AXIN1: variants seen among roughly 807,000 people sequenced by gnomAD.
AXIN1 encodes the protein axin 1, also known as axin-1.
Under a neutral mutation model 76.4 loss-of-function variants are expected in AXIN1, and 30 were observed. That is an observed-to-expected ratio of 0.39 (90% CI 0.29 to 0.53). The LOEUF (loss-of-function observed/expected upper bound fraction) is 0.53. AXIN1 is among the 20% of genes least tolerant of loss of function. The probability of loss-of-function intolerance (pLI) is 0.66; values close to 1 mark genes in which losing one functional copy is unlikely to be tolerated. For missense variants in AXIN1, 1,140 were observed against 1,198.8 expected (o/e 0.95, Z 0.72); for synonymous variants, 545 against 501.4 (o/e 1.09, Z -1.16).
At chr16:329,361 C>T (rs1567295068) in intron 2 of AXIN1, among the ~76,000 whole-genome samples, 2 of 150,672 alleles carry the variant, frequency 1.3e-5, no homozygotes, top group South Asian at 4.2e-4. Context: ...AAAAAATGTG[C>T]TAAGAAAAAT....
Position 309,146 on chromosome 16 carries a change from C to T in AXIN1, c.1116+827G>A, listed in dbSNP as rs926689447. ...GAGATCGAGACCATCCTGGCTAATA[C>T]GGTGAAACCCCATCTCTACTAAAAA... is the stretch of plus-strand genomic sequence containing the variant. On this transcript the variant is annotated intron_variant, in intron 4 of 10. Coordinates refer to ENST00000262320, the MANE Select transcript of AXIN1 (RefSeq NM_003502.4). 3.3e-5 allele frequency among the ~76,000 whole-genome samples: 5 copies of T among 152,078 alleles called. No individual in the cohort carries two copies. In the South Asian group the frequency reaches 6.2e-4, roughly 19 times the overall value.
rs922633843 is a variant in AXIN1, at chr16:289,673, G to A, written c.2295-66C>T. 3.8e-6 allele frequency: 6 copies of A among 1,590,858 alleles called. No homozygotes were observed. In the African/African-American group the frequency reaches 6.7e-5, roughly 18 times the overall value. On this transcript the variant is annotated intron_variant, in intron 9 of 10. Coordinates refer to ENST00000262320, the MANE Select transcript of AXIN1 (RefSeq NM_003502.4). ...GAGGTCCCACAGGGTCCCTCCTGCTGGCCTCAGGCTGCCAGTGTAAGGCGG... is the reference window on the plus strand; with the variant it reads ...GAGGTCCCACAGGGTCCCTCCTGCTAGCCTCAGGCTGCCAGTGTAAGGCGG...
intron 1 of AXIN1, among the ~76,000 whole-genome samples, chr16:348,162 C>G (rs567733418): frequency 4.0e-4 from 61 of 152,170 alleles, no homozygotes; most frequent in Non-Finnish European, 6.5e-4. Context: ...GGTCTATGGT[C>G]CTTCCTGCCA....
intron 2 of AXIN1, among the ~76,000 whole-genome samples, chr16:328,849 C>T (rs2053633497): frequency 1.3e-5 from 2 of 152,154 alleles, no homozygotes; most frequent in Non-Finnish European, 1.5e-5. Flanking sequence ...GTCCTCTCTG[C>T]ACAGTCCCCC....
chr16:304,651 C>T (rs2052970182), intron 4 of AXIN1, among the ~76,000 whole-genome samples: 1 of 152,152 alleles, frequency 6.6e-6, no homozygotes, highest in Non-Finnish European at 1.5e-5. Flanking sequence ...TCTCCTGCCT[C>T]GGTCTCCCAA....
rs1398415631 is a variant in AXIN1, at chr16:346,579, A to G, written c.447T>C (p.Ile149=). The G allele has an allele frequency of 1.2e-6, 2 of 1,611,654 alleles. No homozygotes were observed. Among genetic ancestry groups the G allele is most frequent in the Admixed American group, 3.3e-5 (2 of 59,780 alleles). ...GGGACACGATGCCATTGTTATCAAG[A>G]ATGTACTTTCGGTAGATGGCTCTCG... ...KLARAIYRKY[I]LDNNGIVSRQ... Residue 149 remains isoleucine, a synonymous_variant, in exon 2 of 11, where the codon ATT becomes ATC. Coordinates refer to ENST00000262320, the MANE Select transcript of AXIN1 (RefSeq NM_003502.4).
intron 5 of AXIN1, among the ~76,000 whole-genome samples, chr16:300,144 G>A (rs750391250): frequency 2.6e-5 from 4 of 152,074 alleles, no homozygotes; most frequent in African/African-American, 7.2e-5. Context: ...GTTTCACCCT[G>A]TTTGCCAGGC....
intron 2 of AXIN1, among the ~76,000 whole-genome samples, chr16:334,745 C>T (rs1480329873): frequency 6.6e-6 from 1 of 151,742 alleles, no homozygotes; most frequent in African/African-American, 2.4e-5. Flanking sequence ...TAACACAGCA[C>T]CTAGTACCAC....
At chr16:301,166 G>A (rs548405095) in intron 5 of AXIN1, among the ~76,000 whole-genome samples, 1 of 152,226 alleles carries the variant, frequency 6.6e-6, no homozygotes, top group East Asian at 1.9e-4. Flanking sequence ...AGCTACTGGG[G>A]AGGCTGAGGC....
At chr16:322,672 A>G (rs1200792840) in intron 2 of AXIN1, among the ~76,000 whole-genome samples, 3 of 152,246 alleles carry the variant, frequency 2.0e-5, no homozygotes, top group African/African-American at 4.8e-5. Flanking sequence ...TGAGTCCCAC[A>G]GAGCCACTGA....
chr16:295,633 T>C (rs1016573099), intron 7 of AXIN1, among the ~76,000 whole-genome samples: 1 of 152,046 alleles, frequency 6.6e-6, no homozygotes, highest in African/African-American at 2.4e-5. Context: ...TCCTAAAATA[T>C]GGGACATGCA....
intron 5 of AXIN1, 49 bp downstream of exon 5, chr16:304,255 A>T (rs2141544256): frequency 6.2e-7 from 1 of 1,602,296 alleles, no homozygotes; most frequent in Non-Finnish European, 8.5e-7. Context: ...GGCGGCAAGA[A>T]AACAGCACGA....
At chr16:322,749 G>A (rs2053487208) in intron 2 of AXIN1, among the ~76,000 whole-genome samples, 1 of 152,248 alleles carries the variant, frequency 6.6e-6, no homozygotes, top group Admixed American at 6.5e-5. Context: ...TTCTGGAGCT[G>A]TGGGCGGTGG....
rs745558867 is a variant in AXIN1, at chr16:346,272, C to T, written c.754G>A (p.Asp252Asn). 4 of 1,614,082 alleles carry T rather than the reference C, an allele frequency of 2.5e-6. No homozygotes were observed. The highest frequency in any genetic ancestry group is 4.5e-5 in the East Asian group (2 of 44,892). ...NEDEEWKCDQDMDEDDGRDAA... is the reference protein window; with the variant it reads ...NEDEEWKCDQNMDEDDGRDAA... ...TCTCTGCCATCGTCCTCATCCATGTCCTGGTCACACTTCCATTCCTCATCT... is the reference window on the plus strand; with the variant it reads ...TCTCTGCCATCGTCCTCATCCATGTTCTGGTCACACTTCCATTCCTCATCT... Residue 252 changes from aspartate to asparagine, a missense_variant, in exon 2 of 11, where the codon GAC becomes AAC. Physicochemically the swap from Asp to Asn is conservative, Grantham distance 23 (BLOSUM62 1). Coordinates refer to ENST00000262320, the MANE Select transcript of AXIN1 (RefSeq NM_003502.4).
chr16:296,159 CGAT>C (rs1567263779), intron 7 of AXIN1, among the ~76,000 whole-genome samples: 1 of 152,218 alleles, frequency 6.6e-6, no homozygotes, highest in Non-Finnish European at 1.5e-5. Flanking sequence ...CCCAGAAAAA[CGAT>C]GAGCCCGTCC....
intron 2 of AXIN1, among the ~76,000 whole-genome samples, chr16:330,946 A>G (rs1300788481): frequency 6.6e-6 from 1 of 152,208 alleles, no homozygotes; most frequent in African/African-American, 2.4e-5. Flanking sequence ...AATCTGCCCT[A>G]TTGCTCCAGG....
chr16:301,041 C>A (rs961496172), intron 5 of AXIN1, among the ~76,000 whole-genome samples: 5 of 152,006 alleles, frequency 3.3e-5, no homozygotes, highest in Admixed American at 1.3e-4. Flanking sequence ...GAGGCCGAGG[C>A]GGGTGGATCA....
At chr16:295,201 G>A (rs1039400149) in intron 7 of AXIN1, among the ~76,000 whole-genome samples, 1 of 150,568 alleles carries the variant, frequency 6.6e-6, no homozygotes, top group Non-Finnish European at 1.5e-5. Flanking sequence ...CGCCTCCCAG[G>A]TTCAAGCGAC....
At chr16:296,804 C>T (rs1433443904) in intron 7 of AXIN1, among the ~76,000 whole-genome samples, 3 of 152,152 alleles carry the variant, frequency 2.0e-5, no homozygotes, top group African/African-American at 7.2e-5. Flanking sequence ...GGGTGACAGC[C>T]ACGTCAGCTT....
Sources: gnomAD v4.1 joint callset for allele counts (sites outside exome capture counted in the v4.1 genomes callset) on GRCh38, gnomAD v4.1.1 for gene constraint, MANE v1.5 for transcripts, NCBI Gene and HGNC (gene_info 2026-07-23, HGNC 2026-07-21) for gene names.